SQSTM1: variants seen among roughly 807,000 people sequenced by gnomAD.
SQSTM1 encodes sequestosome-1.
In SQSTM1, 36 loss-of-function variants were observed where a neutral mutation model predicts 45.1. The ratio of observed to expected loss-of-function variants is 0.80; its 90% confidence interval spans 0.61 to 1.05. SQSTM1 has a LOEUF of 1.05. Ranked by LOEUF, SQSTM1 falls within the 50% of genes least tolerant of loss-of-function variation. The pLI, the probability that SQSTM1 is intolerant of heterozygous loss-of-function variation, is 0.00. For missense variants in SQSTM1, 617 were observed against 607.1 expected (o/e 1.02, Z -0.17); for synonymous variants, 290 against 244.3 (o/e 1.19, Z -1.74).
chr5:179,836,426 G>A lies in SQSTM1; in HGVS notation c.1166-10G>A. The A allele has an allele frequency of 6.2e-7, 1 of 1,614,162 alleles. No individual in the cohort carries two copies. Among genetic ancestry groups the A allele is most frequent in the Non-Finnish European group, 8.5e-7 (1 of 1,180,036 alleles). On this transcript the variant is annotated splice_polypyrimidine_tract_variant and intron_variant, in intron 7 of 7. Coordinates refer to ENST00000389805, the MANE Select transcript of SQSTM1 (RefSeq NM_003900.5). ...CACCACTCCTCATGGCTTCCTTACT[G>A]TTTCGGCAGAGGCTGACCCGCGGCT...
chr5:179,829,690 T>A (rs372909755), intron 5 of SQSTM1, among the ~76,000 whole-genome samples: 9 of 21,452 alleles, frequency 4.2e-4, no homozygotes, highest in Admixed American at 7.1e-4. Context: ...ATAGTTTTTT[T>A]ATCTTTCCTC....
At chr5:179,813,895 C>G (rs540018684), upstream of SQSTM1, among the ~76,000 whole-genome samples, 1 of 152,220 alleles carries the variant, frequency 6.6e-6, no homozygotes, top group East Asian at 1.9e-4. Flanking sequence ...GACACTGTCA[C>G]AAAACTAGCA....
At chr5:179,822,696 C>T in intron 1 of SQSTM1, 1 of 490,200 alleles carries the variant, frequency 2.0e-6, no homozygotes, top group South Asian at 2.0e-5. Context: ...GTGCAGCAGC[C>T]AAAGCTGCTG....
In SQSTM1 at chr5:179,837,673, A is replaced by G. The variant is rs1245849296; in HGVS notation, c.*1080A>G. On this transcript the variant is annotated 3_prime_UTR_variant, in exon 8 of 8. Transcript: ENST00000389805. ...GACCAGCTGGCCTGGGGTCCCTCTG[A>G]AGAGACCTTGGCTGCTCACTGTCCA... 6.2e-7 allele frequency: 1 copy of G among 1,614,194 alleles called. No homozygotes were observed. The highest frequency in any genetic ancestry group is 8.5e-7 in the Non-Finnish European group (1 of 1,180,032).
chr5:179,814,504 TA>T (rs1241440341), upstream of SQSTM1, among the ~76,000 whole-genome samples: 12 of 152,182 alleles, frequency 7.9e-5, no homozygotes, highest in African/African-American at 2.4e-4. Flanking sequence ...TCTGATCTAA[TA>T]AAAGTATACT....
upstream of SQSTM1, chr5:179,820,886 C>G (rs1425988036): frequency 7.0e-7 from 1 of 1,426,030 alleles, no homozygotes; most frequent in Admixed American, 2.5e-5. Context: ...ACAAAAGCCG[C>G]GCGGCGGCTG....
At position 179,822,163 on chromosome 5, in the gene SQSTM1, C is replaced by A. The variant is rs535550625; in HGVS notation, c.206-795C>A. Among the ~76,000 whole-genome samples the A allele has an allele frequency of 1.4e-4, 21 of 152,322 alleles. No individual in the cohort carries two copies. The South Asian group carries it at 3.5e-3, about 26-fold the overall frequency. ...TTTCTGTATCTATTCATCTTGCAATCCTGGACATTTCATGTAAATAGAATC... is the reference window on the plus strand; with the variant it reads ...TTTCTGTATCTATTCATCTTGCAATACTGGACATTTCATGTAAATAGAATC... On this transcript the variant is annotated intron_variant, in intron 1 of 7. Transcript: ENST00000389805.
rs1758359191 is a variant in SQSTM1, at chr5:179,833,735, G to C, written c.1118G>C (p.Gly373Ala). Residue 373 changes from glycine (G) to alanine (A), a missense_variant, in exon 7 of 8, where the codon GGA (glycine) becomes GCA (alanine). Gly to Ala is a moderately conservative substitution (Grantham distance 60, BLOSUM62 0). Transcript: ENST00000389805. ...GPSSLDPSQE[G>A]PTGLKEAALY... Reference sequence around the variant, plus strand: ...AGCTCTCTGGACCCCTCCCAGGAGGGACCCACAGGGCTGAAGGAAGCTGCC... The same window carrying C: ...AGCTCTCTGGACCCCTCCCAGGAGGCACCCACAGGGCTGAAGGAAGCTGCC... 1 of 1,614,006 alleles carries C rather than the reference G, an allele frequency of 6.2e-7. No individual in the cohort carries two copies. The highest frequency in any genetic ancestry group is 1.3e-5 in the African/African-American group (1 of 74,898).
At chr5:179,836,219 G>A (rs1048193734) in intron 7 of SQSTM1, 9 of 626,918 alleles carry the variant, frequency 1.4e-5, no homozygotes, top group African/African-American at 1.3e-4. Context: ...CCACCTGGCT[G>A]CCTGGTGTCG....
chr5:179,833,432 G>A, intron 6 of SQSTM1, 155 bp from the exon 7 acceptor site: 1 of 977,450 alleles, frequency 1.0e-6, no homozygotes. Flanking sequence ...TAGTTACTTG[G>A]TCTTTGTGAG....
intron 2 of SQSTM1, among the ~76,000 whole-genome samples, chr5:179,823,279 A>G (rs1757852964): frequency 6.6e-6 from 1 of 151,888 alleles, no homozygotes. Flanking sequence ...CAGCCTGGCC[A>G]ACATGGTGAA....
chr5:179,834,788 C>T (rs565332168), intron 7 of SQSTM1, among the ~76,000 whole-genome samples: 4 of 152,350 alleles, frequency 2.6e-5, no homozygotes, highest in Non-Finnish European at 5.9e-5. Flanking sequence ...AATGAAAAGT[C>T]TCCCATGTCT....
At chr5:179,828,101 CTT>C (rs370822125) in intron 5 of SQSTM1, among the ~76,000 whole-genome samples, 3 of 151,970 alleles carry the variant, frequency 2.0e-5, no homozygotes, top group Admixed American at 2.0e-4. Context: ...ATCGTCTAGT[CTT>C]TTTTTTAAGT....
At position 179,837,253 on chromosome 5, in the gene SQSTM1, A is replaced by AATGACGTTAAAGCACTTTAATCT. The variant is rs769151251; in HGVS notation, c.*668_*669insAAAGCACTTTAATCTATGACGTT. 6.2e-7 allele frequency: 1 copy of AATGACGTTAAAGCACTTTAATCT among 1,604,320 alleles called. No homozygotes were observed. The highest frequency in any genetic ancestry group is 1.1e-5 in the South Asian group (1 of 90,866). On this transcript the variant is annotated 3_prime_UTR_variant, in exon 8 of 8. Transcript: ENST00000389805. ...ATTAAATGGCATCAGCACTTTAACC[A>AATGACGTTAAAGCACTTTAATCT]ATGACGTTTGCATAGAGAGAAATGA... is the stretch of plus-strand genomic sequence containing the variant.
At chr5:179,832,947 C>A in intron 5 of SQSTM1, 85 bp from the exon 6 acceptor site, 1 of 1,353,896 alleles carries the variant, frequency 7.4e-7, no homozygotes, top group Non-Finnish European at 1.1e-6. Flanking sequence ...CTTCGTGAGT[C>A]TGTAGTCTCC....
intron 1 of SQSTM1, chr5:179,822,650 C>A (rs1346280738): frequency 1.5e-5 from 6 of 397,526 alleles, no homozygotes; most frequent in Non-Finnish European, 2.4e-5. Context: ...TGAGGTGGCA[C>A]GTTTCTGAAA....
At position 179,833,746 on chromosome 5, in the gene SQSTM1, C is replaced by G. The variant is rs147305175; in HGVS notation, c.1129C>G (p.Leu377Val). 8.1e-6 allele frequency: 13 copies of G among 1,613,998 alleles called. No homozygotes were observed. The highest frequency in any genetic ancestry group is 1.1e-5 in the Non-Finnish European group (13 of 1,180,032). ...CCCCTCCCAGGAGGGACCCACAGGGCTGAAGGAAGCTGCCTTGTACCCACA... is the reference window on the plus strand; with the variant it reads ...CCCCTCCCAGGAGGGACCCACAGGGGTGAAGGAAGCTGCCTTGTACCCACA... ...LDPSQEGPTG[L>V]KEAALYPHLP... Residue 377 changes from leucine (L) to valine (V), a missense_variant, in exon 7 of 8, where the codon CTG (leucine) becomes GTG (valine). Coordinates refer to ENST00000389805, the MANE Select transcript of SQSTM1 (RefSeq NM_003900.5).
At chr5:179,816,777 CT>C (rs1186426848), upstream of SQSTM1, among the ~76,000 whole-genome samples, 18 of 152,250 alleles carry the variant, frequency 1.2e-4, no homozygotes, top group Admixed American at 5.2e-4. Flanking sequence ...GCCCCCCTCC[CT>C]ACTCCTTGTC....
chr5:179,819,275 C>A (rs192872088), upstream of SQSTM1, among the ~76,000 whole-genome samples: 68 of 152,318 alleles, frequency 4.5e-4, no homozygotes, highest in East Asian at 0.013. Context: ...GCCGGGTGTC[C>A]ACCCCAGCTT....
Sources: gnomAD v4.1 joint callset for allele counts (sites outside exome capture counted in the v4.1 genomes callset) on GRCh38, gnomAD v4.1.1 for gene constraint, MANE v1.5 for transcripts, NCBI Gene and HGNC (gene_info 2026-07-23, HGNC 2026-07-21) for gene names.